Variants in TMEM117 observed in about 807,000 individuals in gnomAD.
TMEM117 encodes the protein transmembrane protein 117.
A neutral mutation model predicts 52.4 loss-of-function variants in TMEM117; 27 were observed. The ratio of observed to expected loss-of-function variants is 0.51; its 90% CI spans 0.38 to 0.71. The LOEUF (loss-of-function observed/expected upper bound fraction) is 0.71. TMEM117 is among the 30% of genes least tolerant of loss of function. The pLI, the probability that TMEM117 is intolerant of heterozygous loss-of-function variation, is 0.00. For synonymous variants in TMEM117, 215 were observed against 206.3 expected, an observed-to-expected ratio of 1.04 and a Z score of -0.36; for missense variants, 556 against 630.5, an observed-to-expected ratio of 0.88 and a Z score of 1.26.
At chr12:43,940,438 G>A (rs1289098540) in intron 2 of TMEM117, among the ~76,000 whole-genome samples, 2 of 152,172 alleles carry the variant, frequency 1.3e-5, no homozygotes, top group Non-Finnish European at 2.9e-5. Context: ...TTGGTGAAGA[G>A]AACACAGCAG....
intron 3 of TMEM117, among the ~76,000 whole-genome samples, chr12:43,972,235 T>C (rs1945599559): frequency 6.6e-6 from 1 of 152,168 alleles, no homozygotes; most frequent in Non-Finnish European, 1.5e-5. Context: ...CCAAAGCCAA[T>C]CAACTTATTT....
intron 7 of TMEM117, among the ~76,000 whole-genome samples, chr12:44,385,707 G>A (rs78443841): frequency 0.015 from 2,256 of 152,268 alleles, 60 homozygotes; most frequent in African/African-American, 0.052. Flanking sequence ...TTTACAGCAA[G>A]AGAATAAATA....
chr12:43,889,090 T>C (rs1274916578), intron 2 of TMEM117, among the ~76,000 whole-genome samples: 2 of 151,526 alleles, frequency 1.3e-5, no homozygotes, highest in Non-Finnish European at 2.9e-5. Context: ...GGATTCTTTT[T>C]TTTTTTTTTG....
intron 2 of TMEM117, among the ~76,000 whole-genome samples, chr12:43,845,637 C>T (rs1943193628): frequency 6.6e-6 from 1 of 151,826 alleles, no homozygotes; most frequent in Non-Finnish European, 1.5e-5. Context: ...TGGTTTGCTG[C>T]ACCCGTTAAC....
intron 2 of TMEM117, among the ~76,000 whole-genome samples, chr12:43,919,735 G>A (rs1195654825): frequency 6.6e-6 from 1 of 151,696 alleles, no homozygotes; most frequent in Non-Finnish European, 1.5e-5. Context: ...CACAGTGGCA[G>A]CACCATTTTT....
chr12:44,272,449 G>C (rs1950458246), intron 5 of TMEM117, among the ~76,000 whole-genome samples: 1 of 151,988 alleles, frequency 6.6e-6, no homozygotes, highest in Non-Finnish European at 1.5e-5. Context: ...CTACAGAATG[G>C]GAGAAAACTT....
At chr12:44,379,970 C>T (rs1376215780) in intron 7 of TMEM117, among the ~76,000 whole-genome samples, 1 of 152,314 alleles carries the variant, frequency 6.6e-6, no homozygotes, top group East Asian at 1.9e-4. Flanking sequence ...ATTAGCCACA[C>T]CTCCAGAATC....
chr12:43,799,080 G>A, the TMEM117 span, among the ~76,000 whole-genome samples: 8 of 151,966 alleles, frequency 5.3e-5, no homozygotes, highest in Non-Finnish European at 8.8e-5. Context: ...TGCACTAAAT[G>A]GGTAACACAC....
chr12:43,925,012 C>T (rs541478107), intron 2 of TMEM117, among the ~76,000 whole-genome samples: 13 of 152,236 alleles, frequency 8.5e-5, no homozygotes, highest in African/African-American at 2.9e-4. Flanking sequence ...TTGGTGCTAG[C>T]TGTTTGCTGG....
intron 2 of TMEM117, among the ~76,000 whole-genome samples, chr12:43,894,617 T>C (rs907465931): frequency 1.3e-5 from 2 of 152,058 alleles, no homozygotes; most frequent in African/African-American, 4.8e-5. Flanking sequence ...TGTGTTCTCA[T>C]CATTTAGCTC....
At chr12:44,086,965 A>T (rs1202514673) in intron 3 of TMEM117, among the ~76,000 whole-genome samples, 1 of 147,532 alleles carries the variant, frequency 6.8e-6, no homozygotes, top group African/African-American at 2.5e-5. Flanking sequence ...ATAATTAATA[A>T]TTATAAATTA....
intron 2 of TMEM117, among the ~76,000 whole-genome samples, chr12:43,896,878 C>T (rs1285567275): frequency 1.3e-5 from 2 of 152,028 alleles, no homozygotes; most frequent in Non-Finnish European, 2.9e-5. Context: ...GGTGTTTGCC[C>T]TATAATTTAA....
At chr12:44,233,306 A>G (rs1949955455) in intron 5 of TMEM117, among the ~76,000 whole-genome samples, 1 of 151,380 alleles carries the variant, frequency 6.6e-6, no homozygotes, top group African/African-American at 2.4e-5. Flanking sequence ...TGGATGTTGA[A>G]TTTCATACAA....
At position 43,844,940 on chromosome 12, in the gene TMEM117, G is replaced by T; in HGVS notation, c.277+12G>T. The T allele has an allele frequency of 6.3e-7, 1 of 1,597,250 alleles. No homozygotes were observed. Among genetic ancestry groups the T allele is most frequent in the South Asian group, 1.1e-5 (1 of 87,446 alleles). On this transcript the variant is annotated intron_variant, in intron 2 of 7. Coordinates refer to ENST00000266534, the MANE Select transcript of TMEM117 (RefSeq NM_032256.3). ...TCAGCGTTTGTTTGGTAAGTACCAT[G>T]ACCCATGAAATGTAATATCACTAAT... is the stretch of plus-strand genomic sequence containing the variant.
At chr12:43,884,286 T>A (rs367963323) in intron 2 of TMEM117, among the ~76,000 whole-genome samples, 4 of 152,116 alleles carry the variant, frequency 2.6e-5, no homozygotes, top group South Asian at 2.1e-4. Flanking sequence ...CTTTCATGAG[T>A]TGATATGTGG....
intron 3 of TMEM117, among the ~76,000 whole-genome samples, chr12:43,964,072 C>G (rs965854048): frequency 7.2e-5 from 11 of 152,182 alleles, no homozygotes; most frequent in Non-Finnish European, 1.3e-4. Context: ...CTTGCTCTCA[C>G]TACATTTTCA....
intron 2 of TMEM117, among the ~76,000 whole-genome samples, chr12:43,869,122 ATAACT>A (rs1415565706): frequency 2.0e-5 from 3 of 152,094 alleles, no homozygotes; most frequent in Admixed American, 6.6e-5. Context: ...CTTGATAGTC[ATAACT>A]TAACAAAACT....
chr12:43,995,039 G>A (rs926494902), intron 3 of TMEM117, among the ~76,000 whole-genome samples: 2 of 152,150 alleles, frequency 1.3e-5, no homozygotes, highest in East Asian at 1.9e-4. Context: ...CACTTTGGGA[G>A]GCTGAGGCGG....
At chr12:44,030,705 C>G (rs1946619818) in intron 3 of TMEM117, among the ~76,000 whole-genome samples, 1 of 152,118 alleles carries the variant, frequency 6.6e-6, no homozygotes, top group Non-Finnish European at 1.5e-5. Flanking sequence ...TTATTTATAT[C>G]CTACTGCTCA....
Sources: allele counts gnomAD v4.1 joint callset (sites outside exome capture counted in the v4.1 genomes callset), GRCh38; gene constraint gnomAD v4.1.1; transcripts MANE v1.5; gene names NCBI Gene and HGNC (gene_info 2026-07-23, HGNC 2026-07-21).